Variants in LRRTM4 observed in about 807,000 individuals in gnomAD.
The protein encoded by LRRTM4 is leucine rich repeat transmembrane neuronal 4.
LRRTM4 carries 25 observed loss-of-function variants against 47.6 expected under a neutral mutation model. That is an observed-to-expected ratio of 0.53 (90% CI 0.38 to 0.73). The LOEUF is 0.73. Among genes scored for constraint, LRRTM4 ranks in the 30% least tolerant of loss-of-function variants. LRRTM4 has a pLI of 0.00. For synonymous variants in LRRTM4, 311 were observed against 269.5 expected (o/e 1.15, Z -1.51); for missense variants, 638 against 713.4 (o/e 0.89, Z 1.20).
chr2:77,073,767 C>A (rs59505446), intron 3 of LRRTM4, among the ~76,000 whole-genome samples: 26,895 of 151,712 alleles, frequency 0.18, 2,556 homozygotes, highest in African/African-American at 0.25. Flanking sequence ...CTCTCTCTCT[C>A]TCTATATATA....
chr2:77,238,148 C>T (rs932480958), intron 3 of LRRTM4, among the ~76,000 whole-genome samples: 26 of 152,020 alleles, frequency 1.7e-4, no homozygotes, highest in African/African-American at 5.6e-4. Flanking sequence ...TTTAGCTGTT[C>T]TTGTCACAAG....
intron 3 of LRRTM4, among the ~76,000 whole-genome samples, chr2:77,104,331 C>G (rs1351952122): frequency 6.6e-6 from 1 of 152,124 alleles, no homozygotes; most frequent in Non-Finnish European, 1.5e-5. Flanking sequence ...TGTCCCTCGT[C>G]AATTCACTCT....
chr2:76,823,806 A>ACTTGACTCTCAT (rs1671118476), intron 3 of LRRTM4, among the ~76,000 whole-genome samples: 1 of 151,604 alleles, frequency 6.6e-6, no homozygotes, highest in Non-Finnish European at 1.5e-5. Context: ...ATGTTGGAGA[A>ACTTGACTCTCAT]TGTTTGCCAT....
chr2:77,177,953 G>C (rs554801961), intron 3 of LRRTM4, among the ~76,000 whole-genome samples: 28 of 152,280 alleles, frequency 1.8e-4, no homozygotes, highest in African/African-American at 6.5e-4. Context: ...TTTTATTACA[G>C]TGAGAGATCC....
At chr2:77,428,850 A>T (rs2103899709) in intron 3 of LRRTM4, among the ~76,000 whole-genome samples, 1 of 152,342 alleles carries the variant, frequency 6.6e-6, no homozygotes, top group South Asian at 2.1e-4. Flanking sequence ...TTAATGTCTG[A>T]ATTCATCGGT....
chr2:77,515,377 A>C (rs1679168481), intron 3 of LRRTM4, among the ~76,000 whole-genome samples: 2 of 151,986 alleles, frequency 1.3e-5, no homozygotes, highest in Admixed American at 1.3e-4. Context: ...ACGCCAATCT[A>C]ATAATCTCAA....
chr2:77,175,852 T>TTA (rs1243317226), intron 3 of LRRTM4, among the ~76,000 whole-genome samples: 5 of 152,012 alleles, frequency 3.3e-5, no homozygotes, highest in Non-Finnish European at 5.9e-5. Flanking sequence ...CAGAGACGGG[T>TTA]TTTACCATGT....
intron 3 of LRRTM4, among the ~76,000 whole-genome samples, chr2:77,386,853 T>C (rs532963312): frequency 6.0e-4 from 91 of 152,148 alleles, no homozygotes; most frequent in African/African-American, 2.1e-3. Flanking sequence ...GCTTAGAACC[T>C]AGCTGTTGGG....
At chr2:77,168,089 T>C (rs1394486169) in intron 3 of LRRTM4, among the ~76,000 whole-genome samples, 1 of 152,164 alleles carries the variant, frequency 6.6e-6, no homozygotes, top group Non-Finnish European at 1.5e-5. Context: ...GGTGTTTGTG[T>C]GCATATGTGT....
At chr2:77,159,330 A>G (rs1190245947) in intron 3 of LRRTM4, among the ~76,000 whole-genome samples, 1 of 152,148 alleles carries the variant, frequency 6.6e-6, no homozygotes, top group African/African-American at 2.4e-5. Context: ...CATTTTTTCA[A>G]CACAGTAAGC....
At position 77,029,865 on chromosome 2, in the gene LRRTM4, C is replaced by T. The variant is rs115648094; in HGVS notation, c.1552-280949G>A. On this transcript the variant is annotated intron_variant, in intron 3 of 3. Coordinates refer to ENST00000409884, the MANE Select transcript of LRRTM4 (RefSeq NM_001134745.3). ...CAATGACAATGAAGCAGAGTCCTTACAGTCTGACAGGTTTCAGTGGTGACC... is the reference window on the plus strand; with the variant it reads ...CAATGACAATGAAGCAGAGTCCTTATAGTCTGACAGGTTTCAGTGGTGACC... 3.1e-3 allele frequency among the ~76,000 whole-genome samples: 478 copies of T among 152,258 alleles called. 2 individuals are homozygous for T. Among genetic ancestry groups the T allele is most frequent in the African/African-American group, 0.011 (455 of 41,566 alleles).
intron 3 of LRRTM4, among the ~76,000 whole-genome samples, chr2:76,763,316 C>T (rs538094061): frequency 4.7e-4 from 71 of 152,200 alleles, no homozygotes; most frequent in African/African-American, 1.5e-3. Flanking sequence ...GGCAATGGGG[C>T]CTCTAAGGAA....
chr2:76,800,131 G>T (rs1181412574), intron 3 of LRRTM4, among the ~76,000 whole-genome samples: 3 of 148,866 alleles, frequency 2.0e-5, no homozygotes, highest in Admixed American at 6.7e-5. Flanking sequence ...CCAAAAAAGA[G>T]CCCGCATCGC....
At chr2:76,986,632 C>T (rs1676808504) in intron 3 of LRRTM4, among the ~76,000 whole-genome samples, 1 of 151,878 alleles carries the variant, frequency 6.6e-6, no homozygotes, top group Non-Finnish European at 1.5e-5. Context: ...AAGCCCAGAA[C>T]TAACTGGCAC....
At chr2:77,132,452 C>T (rs1278827394) in intron 3 of LRRTM4, among the ~76,000 whole-genome samples, 2 of 152,136 alleles carry the variant, frequency 1.3e-5, no homozygotes, top group Admixed American at 6.5e-5. Context: ...CTACAGTTAG[C>T]ATGGTAGTGC....
intron 3 of LRRTM4, among the ~76,000 whole-genome samples, chr2:77,006,176 A>T (rs1357616441): frequency 6.6e-6 from 1 of 152,158 alleles, no homozygotes; most frequent in Non-Finnish European, 1.5e-5. Flanking sequence ...TAAACAAAGG[A>T]CATTCGTTTC....
At position 77,215,533 on chromosome 2, in the gene LRRTM4, A is replaced by C. The variant is rs145992343; in HGVS notation, c.1551+302785T>G. Reference sequence around the variant, plus strand: ...ATGACCTATTTTTTTTTCTTTAACTATTCTTGGTATCTCCTCATTAAATAC... The same window carrying C: ...ATGACCTATTTTTTTTTCTTTAACTCTTCTTGGTATCTCCTCATTAAATAC... On this transcript the variant is annotated intron_variant, in intron 3 of 3. Transcript: ENST00000409884. Among the ~76,000 whole-genome samples, 782 of 152,000 alleles carry C rather than the reference A, an allele frequency of 5.1e-3. 9 individuals are homozygous for C. Among genetic ancestry groups the C allele is most frequent in the African/African-American group, 0.018 (757 of 41,460 alleles).
intron 3 of LRRTM4, among the ~76,000 whole-genome samples, chr2:77,387,625 A>C (rs1192913777): frequency 6.6e-6 from 1 of 151,998 alleles, no homozygotes; most frequent in Non-Finnish European, 1.5e-5. Context: ...CTTTGCCTGG[A>C]CCCTTCATGT....
At chr2:77,405,804 T>G (rs1674159430) in intron 3 of LRRTM4, among the ~76,000 whole-genome samples, 1 of 152,168 alleles carries the variant, frequency 6.6e-6, no homozygotes, top group Non-Finnish European at 1.5e-5. Context: ...TCTGATTCTC[T>G]GTACTGAGAA....
Sources: gnomAD v4.1 joint callset for allele counts (sites outside exome capture counted in the v4.1 genomes callset) on GRCh38, gnomAD v4.1.1 for gene constraint, MANE v1.5 for transcripts, NCBI Gene and HGNC (gene_info 2026-07-23, HGNC 2026-07-21) for gene names.